The following CMSS1 variants were observed in gnomAD, a reference collection of about 807,000 sequenced individuals.
The protein encoded by CMSS1 is cms1 ribosomal small subunit homolog.
Under a neutral mutation model 43.5 loss-of-function variants are expected in CMSS1, and 33 were observed. The ratio of observed to expected loss-of-function variants is 0.76; its 90% CI spans 0.57 to 1.01. CMSS1 has a LOEUF of 1.01. CMSS1 is among the 50% of genes least tolerant of loss of function. The pLI, the probability that CMSS1 is intolerant of heterozygous loss-of-function variation, is 0.00. For missense variants in CMSS1, 313 were observed against 326.4 expected (o/e 0.96, Z 0.32); for synonymous variants, 115 against 117.2 (o/e 0.98, Z 0.12).
At chr3:99,899,217 C>T (rs989927429) in intron 1 of CMSS1, among the ~76,000 whole-genome samples, 4 of 152,132 alleles carry the variant, frequency 2.6e-5, no homozygotes, top group African/African-American at 9.7e-5. Context: ...CTTTATTTTG[C>T]ATCATATAAA....
intron 1 of CMSS1, among the ~76,000 whole-genome samples, chr3:99,945,873 A>T (rs1707992883): frequency 1.3e-5 from 2 of 152,186 alleles, no homozygotes; most frequent in South Asian, 2.1e-4. Context: ...ACCTCTTGTC[A>T]CAGAGCCAGT....
intron 1 of CMSS1, among the ~76,000 whole-genome samples, chr3:100,017,649 A>T (rs191341290): frequency 9.3e-4 from 142 of 152,270 alleles, no homozygotes; most frequent in South Asian, 4.8e-3. Flanking sequence ...TGTGAGCCAG[A>T]TGTGGTGGCA....
chr3:99,848,140 A>G lies in CMSS1; in HGVS notation c.64+30097A>G. ...ATGCAGGCAACAGTTAGTTTCAGATACTCTTGTATAGTTCATGCACAAACC... is the reference window on the plus strand; with the variant it reads ...ATGCAGGCAACAGTTAGTTTCAGATGCTCTTGTATAGTTCATGCACAAACC... On this transcript the variant is annotated intron_variant, in intron 1 of 9. Transcript: ENST00000421999. The G allele has an allele frequency of 2.0e-6, 3 of 1,487,000 alleles. No individual in the cohort carries two copies. The South Asian group carries it at 4.4e-5, about 22-fold the overall frequency. The allele number at this position is 1,487,000 out of a possible 1,614,324, so 92.1% of individuals were successfully genotyped here.
At chr3:99,924,271 C>T in intron 1 of CMSS1, 1 of 1,614,110 alleles carries the variant, frequency 6.2e-7, no homozygotes, top group African/African-American at 1.3e-5. Flanking sequence ...ATTCATCACT[C>T]TTCTCCATGT....
At chr3:99,907,388 C>T (rs1706652839) in intron 1 of CMSS1, among the ~76,000 whole-genome samples, 1 of 152,112 alleles carries the variant, frequency 6.6e-6, no homozygotes, top group Admixed American at 6.5e-5. Context: ...GCTGGGACTA[C>T]AGGCGCCCAC....
chr3:99,862,007 A>T (rs1944284694), intron 1 of CMSS1, among the ~76,000 whole-genome samples: 2 of 152,236 alleles, frequency 1.3e-5, no homozygotes, highest in Admixed American at 6.5e-5. Flanking sequence ...AGTCCTTATC[A>T]TAGTGCCTGG....
chr3:99,888,638 A>G (rs905171940), intron 1 of CMSS1, among the ~76,000 whole-genome samples: 1 of 152,198 alleles, frequency 6.6e-6, no homozygotes, highest in Non-Finnish European at 1.5e-5. Context: ...TGCTTAACCT[A>G]TCAACAATTT....
chr3:99,883,299 A>G (rs1164614856), intron 1 of CMSS1, among the ~76,000 whole-genome samples: 2 of 152,168 alleles, frequency 1.3e-5, no homozygotes, highest in Admixed American at 6.5e-5. Context: ...TCATCTTTCC[A>G]TGACACCATG....
chr3:100,017,133 T>A lies in CMSS1; in HGVS notation c.65-129840T>A, dbSNP rs143399516. Among the ~76,000 whole-genome samples the A allele has an allele frequency of 7.2e-3, 1,096 of 152,310 alleles. 4 individuals carry two copies. The highest frequency in any genetic ancestry group is 1.0e-2 in the African/African-American group (415 of 41,556). On this transcript the variant is annotated intron_variant, in intron 1 of 9. Coordinates refer to ENST00000421999, the MANE Select transcript of CMSS1 (RefSeq NM_032359.4). ...TTGTCAAAATGATATTTCCTGAAAA[T>A]GTTTGTCATCAAAAATCAGAATTTA...
chr3:99,987,392 G>A (rs1001128188), intron 1 of CMSS1, among the ~76,000 whole-genome samples: 2 of 151,626 alleles, frequency 1.3e-5, no homozygotes, highest in Non-Finnish European at 2.9e-5. Context: ...AACGGGGTGT[G>A]GTGGCATACA....
intron 1 of CMSS1, among the ~76,000 whole-genome samples, chr3:100,050,012 T>C (rs1422276238): frequency 6.6e-6 from 1 of 152,184 alleles, no homozygotes; most frequent in Non-Finnish European, 1.5e-5. Context: ...TTTACGGTTA[T>C]TAGAAGTTAA....
rs1029776301 is a variant in CMSS1 at position 99,876,087 on chromosome 3, C to CGGGGCCGGGCG, written c.64+58055_64+58065dup. ...CCGGGCTTACCTGAACTGCCTGCGC[C>CGGGGCCGGGCG]GGGGCCGGGCGGGGGCCGGGCCGGG... On this transcript the variant is annotated intron_variant, in intron 1 of 9. Transcript: ENST00000421999. The CGGGGCCGGGCG allele has an allele frequency of 1.1e-4, 113 of 986,354 alleles. No individual in the cohort carries two copies. In the East Asian group the frequency reaches 4.3e-3, roughly 38 times the overall value. The allele number at this position is 986,354 out of a possible 1,614,324, so 61.1% of individuals were successfully genotyped here. A position where few individuals can be genotyped will look rare whatever the true frequency, so the allele number is the denominator to read the frequency against.
chr3:100,052,022 G>A (rs2065383163), intron 1 of CMSS1, among the ~76,000 whole-genome samples: 1 of 151,410 alleles, frequency 6.6e-6, no homozygotes, highest in Non-Finnish European at 1.5e-5. Flanking sequence ...AGAAACACAT[G>A]CAATTTACCA....
At chr3:100,021,950 T>TGA (rs2064827927) in intron 1 of CMSS1, among the ~76,000 whole-genome samples, 1 of 128,936 alleles carries the variant, frequency 7.8e-6, no homozygotes, top group African/African-American at 2.9e-5. Flanking sequence ...TGTGTGTGTG[T>TGA]GTGTGTGTGT....
intron 2 of CMSS1, among the ~76,000 whole-genome samples, 182 bp from the exon 3 acceptor site, chr3:100,160,248 T>C (rs2067011901): frequency 6.6e-6 from 1 of 152,138 alleles, no homozygotes; most frequent in Non-Finnish European, 1.5e-5. Flanking sequence ...TTTCTCAAAT[T>C]CTCTCAGCCC....
intron 1 of CMSS1, among the ~76,000 whole-genome samples, chr3:99,978,760 C>T (rs1440213460): frequency 6.6e-6 from 1 of 152,112 alleles, no homozygotes; most frequent in East Asian, 1.9e-4. Context: ...CCAGGCAGGA[C>T]TGTAATCCTA....
intron 1 of CMSS1, among the ~76,000 whole-genome samples, chr3:99,861,252 A>T (rs1163373961): frequency 6.6e-6 from 1 of 152,340 alleles, no homozygotes; most frequent in Non-Finnish European, 1.5e-5. Context: ...TGTCAGACTA[A>T]CAGTTTCAGG....
chr3:99,883,976 G>A (rs957066051), intron 1 of CMSS1, among the ~76,000 whole-genome samples: 10 of 152,110 alleles, frequency 6.6e-5, no homozygotes, highest in Non-Finnish European at 1.5e-5. Context: ...TGGATTTAGG[G>A]GGTAAACAGT....
At chr3:99,989,188 A>G (rs1576624198) in intron 1 of CMSS1, among the ~76,000 whole-genome samples, 1 of 152,330 alleles carries the variant, frequency 6.6e-6, no homozygotes, top group Non-Finnish European at 1.5e-5. Flanking sequence ...GATAAATTAA[A>G]TGTAAGTTTA....
Sources: allele counts gnomAD v4.1 joint callset (sites outside exome capture counted in the v4.1 genomes callset), GRCh38; gene constraint gnomAD v4.1.1; transcripts MANE v1.5; gene names NCBI Gene and HGNC (gene_info 2026-07-23, HGNC 2026-07-21).